The following TJP2 variants were observed in gnomAD, a reference collection of about 807,000 sequenced individuals.
The protein encoded by TJP2 is Friedreich ataxia region gene X104 (tight junction protein ZO-2).
In TJP2, 91 loss-of-function variants were observed where a neutral mutation model predicts 133.1. The ratio of observed to expected loss-of-function variants is 0.68; its 90% CI spans 0.58 to 0.81. The LOEUF (loss-of-function observed/expected upper bound fraction) is 0.81, where lower values mean the gene tolerates loss of function less well. Among genes scored for constraint, TJP2 ranks in the 40% least tolerant of loss-of-function variants. TJP2 has a pLI of 0.00. For missense variants in TJP2, 1,541 were observed against 1,565.6 expected (o/e 0.98, Z 0.26); for synonymous variants, 592 against 583.4 (o/e 1.01, Z -0.21).
chr9:69,177,947 A>G (rs1825218184), intron 1 of TJP2, among the ~76,000 whole-genome samples: 1 of 152,110 alleles, frequency 6.6e-6, no homozygotes, highest in South Asian at 2.1e-4. Context: ...AGCACTTCTT[A>G]GAACTGGGTG....
intron 1 of TJP2, among the ~76,000 whole-genome samples, chr9:69,135,324 TC>T (rs1300986163): frequency 6.6e-6 from 1 of 152,208 alleles, no homozygotes; most frequent in Non-Finnish European, 1.5e-5. Flanking sequence ...TTATTTATTA[TC>T]CCCGGTTTAC....
intron 1 of TJP2, among the ~76,000 whole-genome samples, chr9:69,197,554 G>C (rs958723439): frequency 7.2e-5 from 11 of 152,122 alleles, no homozygotes; most frequent in Non-Finnish European, 1.5e-4. Context: ...CTTCTGAGAG[G>C]AAGAAAACAG....
chr9:69,211,365 A>G (rs556385699), intron 1 of TJP2, among the ~76,000 whole-genome samples: 3 of 152,070 alleles, frequency 2.0e-5, no homozygotes, highest in African/African-American at 7.3e-5. Context: ...CAAAAAACCA[A>G]CATATACACA....
upstream of TJP2, chr9:69,174,158 G>A: frequency 1.6e-6 from 2 of 1,272,488 alleles, no homozygotes; most frequent in Non-Finnish European, 9.9e-7. Context: ...CGGGCCGGGC[G>A]GCCAGCGCGG....
At chr9:69,138,271 G>T (rs183420470) in intron 1 of TJP2, among the ~76,000 whole-genome samples, 7 of 152,198 alleles carry the variant, frequency 4.6e-5, no homozygotes, top group Admixed American at 3.3e-4. Flanking sequence ...GATGGATTTG[G>T]CTTCTGCTGC....
At chr9:69,159,385 G>C (rs1770914698) in intron 2 of TJP2, among the ~76,000 whole-genome samples, 1 of 90,298 alleles carries the variant, frequency 1.1e-5, no homozygotes, top group African/African-American at 4.8e-5. Flanking sequence ...ATTGCTGTTT[G>C]ATATTGATAT....
Position 69,252,893 on chromosome 9 carries a change from C to T in TJP2, c.3400C>T (p.His1134Tyr). ...THKPDPGTPQ[H>Y]TSSRPPEPQK... The stretch of plus-strand genomic sequence containing the variant: ...CAAGCCAGACCCTGGCACGCCCCAG[C>T]ACACGAGGTAAGGGCTGCCTAGTGG... The change falls in exon 22 of 23, where the codon CAC becomes TAC. Residue 1134 changes from histidine to tyrosine, a missense_variant. His to Tyr is a moderately conservative substitution (Grantham distance 83). Coordinates refer to ENST00000377245, the MANE Select transcript of TJP2 (RefSeq NM_004817.4). 6.2e-7 allele frequency: 1 copy of T among 1,614,188 alleles called. No homozygotes were observed. The highest frequency in any genetic ancestry group is 8.5e-7 in the Non-Finnish European group (1 of 1,180,018).
chr9:69,240,143 T>G lies in TJP2; in HGVS notation c.2562T>G (p.Phe854Leu). The G allele has an allele frequency of 6.2e-7, 1 of 1,613,518 alleles. No individual in the cohort carries two copies. ...NKLKKTCAHL[F>L]TATINLNSAN... The stretch of plus-strand genomic sequence containing the variant: ...TTAAAAAAACGTGTGCACACCTTTT[T>G]ACAGGTAAGTGAAATGTAAATGTAG... The change falls in exon 17 of 23, where the codon TTT becomes TTG. Residue 854 changes from phenylalanine (F) to leucine (L), a missense_variant. By Grantham distance (22) the Phe-to-Leu change is conservative. Transcript: ENST00000377245.
At chr9:69,245,421 A>C (rs369674915) in intron 17 of TJP2, among the ~76,000 whole-genome samples, 1 of 152,220 alleles carries the variant, frequency 6.6e-6, no homozygotes, top group Non-Finnish European at 1.5e-5. Flanking sequence ...TGATAATTTT[A>C]GGGGTACAAT....
intron 1 of TJP2, among the ~76,000 whole-genome samples, chr9:69,129,703 G>C (rs1396285694): frequency 6.6e-6 from 1 of 152,094 alleles, no homozygotes; most frequent in East Asian, 1.9e-4. Context: ...TTGGGAGGCC[G>C]AGGCGTGCGG....
intron 16 of TJP2, 63 bp downstream of exon 16, chr9:69,238,852 A>G: frequency 7.5e-7 from 1 of 1,338,320 alleles, no homozygotes; most frequent in Non-Finnish European, 1.1e-6. Flanking sequence ...TGCTGCAGTC[A>G]CTTTTAGGAT....
intron 11 of TJP2, 115 bp downstream of exon 11, chr9:69,230,347 AGTTT>A: frequency 7.4e-7 from 1 of 1,343,636 alleles, no homozygotes; most frequent in Non-Finnish European, 1.1e-6. Flanking sequence ...AGCAGCTGCA[AGTTT>A]GTTGATGCCC....
At chr9:69,211,515 C>G (rs528453589) in intron 1 of TJP2, among the ~76,000 whole-genome samples, 7 of 152,184 alleles carry the variant, frequency 4.6e-5, no homozygotes, top group Non-Finnish European at 1.0e-4. Flanking sequence ...TGGATACATA[C>G]TATCTGGGGA....
chr9:69,239,994 C>T lies in TJP2; in HGVS notation c.2413C>T (p.Gln805Ter). The change falls in exon 17 of 23, where the codon CAG becomes TAG. Residue 805 changes from glutamine to a stop codon, truncating the protein, a stop_gained. Coordinates refer to ENST00000377245, the MANE Select transcript of TJP2 (RefSeq NM_004817.4). LOFTEE classifies it high-confidence loss of function. ...PKAVDLLNYTQWFPIVIFFNP... is the reference protein window; with the variant it reads ...PKAVDLLNYT ...AGCTGTGGACCTGTTGAATTACACCCAGTGGTTCCCAATTGTGATTTTTTT... is the reference window on the plus strand; with the variant it reads ...AGCTGTGGACCTGTTGAATTACACCTAGTGGTTCCCAATTGTGATTTTTTT... 6.2e-7 allele frequency: 1 copy of T among 1,614,154 alleles called. No individual in the cohort carries two copies. Among genetic ancestry groups the T allele is most frequent in the African/African-American group, 1.3e-5 (1 of 75,038 alleles).
At chr9:69,122,581 C>T (rs773384519) in intron 1 of TJP2, among the ~76,000 whole-genome samples, 7 of 152,182 alleles carry the variant, frequency 4.6e-5, no homozygotes, top group Non-Finnish European at 1.0e-4. Context: ...CAAGGTTCTT[C>T]TATAGGGAGC....
intron 1 of TJP2, among the ~76,000 whole-genome samples, chr9:69,193,009 G>A (rs1208474431): frequency 1.3e-5 from 2 of 149,842 alleles, no homozygotes; most frequent in Non-Finnish European, 3.0e-5. Context: ...TGAGCCTCCT[G>A]GGCTCAAGCT....
intron 20 of TJP2, 88 bp downstream of exon 20, chr9:69,249,573 T>C (rs748377126): frequency 1.3e-6 from 2 of 1,547,606 alleles, no homozygotes; most frequent in East Asian, 2.4e-5. Flanking sequence ...GCATGCACAC[T>C]GAGATGGTGT....
At chr9:69,219,398 T>A (rs1467490866) in intron 4 of TJP2, among the ~76,000 whole-genome samples, 2 of 152,228 alleles carry the variant, frequency 1.3e-5, no homozygotes, top group African/African-American at 4.8e-5. Context: ...TTACTTGGTC[T>A]CTGTATGTAT....
In TJP2 at chr9:69,236,059, G is replaced by A. The variant is rs768538449; in HGVS notation, c.1812G>A (p.Gly604=). The part of the protein sequence containing the change: ...VYRDILACGR[G]DSFFIRSHFE... ...GAGACATCCTGGCTTGTGGCAGAGG[G>A]GATTCGTTTTTTATAAGAAGCCACT... The change falls in exon 13 of 23, where the codon GGG becomes GGA. Residue 604 remains glycine (G), a synonymous_variant. Coordinates refer to ENST00000377245, the MANE Select transcript of TJP2 (RefSeq NM_004817.4). 6.2e-7 allele frequency: 1 copy of A among 1,614,108 alleles called. No individual in the cohort carries two copies. Among genetic ancestry groups the A allele is most frequent in the Non-Finnish European group, 8.5e-7 (1 of 1,180,018 alleles).
Sources: gnomAD v4.1 joint callset for allele counts (sites outside exome capture counted in the v4.1 genomes callset) on GRCh38, gnomAD v4.1.1 for gene constraint, MANE v1.5 for transcripts, NCBI Gene and HGNC (gene_info 2026-07-23, HGNC 2026-07-21) for gene names.